SGCZ: variants seen among roughly 807,000 people sequenced by gnomAD.
SGCZ encodes the protein zeta-sarcoglycan.
A neutral mutation model predicts 41.3 loss-of-function variants in SGCZ; 40 were observed. That is an observed-to-expected ratio of 0.97 (90% CI 0.75 to 1.26). SGCZ has a LOEUF of 1.26. Among genes scored for constraint, SGCZ ranks in the 50% most tolerant of loss-of-function variants. SGCZ has a pLI of 0.00. For synonymous variants in SGCZ, 206 were observed against 137.5 expected (o/e 1.50, Z -3.49); for missense variants, 552 against 369.8 (o/e 1.49, Z -4.04).
chr8:14,155,306 T>C (rs1803844538), intron 5 of SGCZ, among the ~76,000 whole-genome samples: 1 of 152,212 alleles, frequency 6.6e-6, no homozygotes, highest in South Asian at 2.1e-4. Context: ...GAAGTTTTTT[T>C]TCTTCCTTTA....
intron 1 of SGCZ, among the ~76,000 whole-genome samples, chr8:14,863,045 G>T (rs1585327989): frequency 6.6e-6 from 1 of 152,232 alleles, no homozygotes; most frequent in East Asian, 1.9e-4. Context: ...TGGGATGATT[G>T]AGAAGCTACA....
intron 1 of SGCZ, among the ~76,000 whole-genome samples, chr8:14,648,455 T>C (rs1807294466): frequency 6.6e-6 from 1 of 152,072 alleles, no homozygotes; most frequent in Non-Finnish European, 1.5e-5. Flanking sequence ...TGGAGCAATA[T>C]TTCACTGAAT....
At chr8:15,040,008 A>G (rs910855851) in intron 1 of SGCZ, among the ~76,000 whole-genome samples, 13 of 152,226 alleles carry the variant, frequency 8.5e-5, no homozygotes, top group Non-Finnish European at 1.3e-4. Flanking sequence ...AAAAAAGTTA[A>G]TAACCAGCAA....
At chr8:14,597,913 C>G (rs1486146580) in intron 1 of SGCZ, among the ~76,000 whole-genome samples, 1 of 152,288 alleles carries the variant, frequency 6.6e-6, no homozygotes, top group Non-Finnish European at 1.5e-5. Flanking sequence ...AAAACCTATT[C>G]CTTTTGCTAC....
chr8:14,431,912 A>G (rs1174870342), intron 2 of SGCZ, among the ~76,000 whole-genome samples: 2 of 152,222 alleles, frequency 1.3e-5, no homozygotes, highest in Non-Finnish European at 2.9e-5. Flanking sequence ...CCAATGGCCA[A>G]CAAACATATG....
chr8:14,339,155 C>G (rs1372558356), intron 2 of SGCZ, among the ~76,000 whole-genome samples: 1 of 152,164 alleles, frequency 6.6e-6, no homozygotes, highest in Non-Finnish European at 1.5e-5. Context: ...AAGCACTTTA[C>G]TTCTACTGCA....
At chr8:15,121,818 C>G (rs1807488561) in intron 1 of SGCZ, among the ~76,000 whole-genome samples, 1 of 144,080 alleles carries the variant, frequency 6.9e-6, no homozygotes, top group African/African-American at 2.6e-5. Context: ...AATATGAAGG[C>G]AGAAGACAGC....
At chr8:14,211,651 G>A (rs984179781) in intron 4 of SGCZ, among the ~76,000 whole-genome samples, 1 of 96,356 alleles carries the variant, frequency 1.0e-5, no homozygotes, top group Non-Finnish European at 1.9e-5. Flanking sequence ...AATTAAGCAG[G>A]AGAGAGAGAG....
chr8:14,289,805 T>C (rs999755527), intron 3 of SGCZ, among the ~76,000 whole-genome samples: 3 of 150,900 alleles, frequency 2.0e-5, no homozygotes, highest in African/African-American at 4.9e-5. Context: ...TATAATGAAC[T>C]ACCTGAGACT....
At chr8:14,613,125 G>C (rs1190426193) in intron 1 of SGCZ, among the ~76,000 whole-genome samples, 1 of 152,214 alleles carries the variant, frequency 6.6e-6, no homozygotes, top group African/African-American at 2.4e-5. Flanking sequence ...CTCAGGGAGA[G>C]TGAACCTGCT....
intron 3 of SGCZ, among the ~76,000 whole-genome samples, chr8:14,278,931 T>A (rs1800326293): frequency 6.6e-6 from 1 of 152,156 alleles, no homozygotes; most frequent in South Asian, 2.1e-4. Flanking sequence ...ATTGCTTTTA[T>A]AAATGCCTAC....
chr8:15,064,856 G>A (rs958103864), intron 1 of SGCZ, among the ~76,000 whole-genome samples: 12 of 152,150 alleles, frequency 7.9e-5, no homozygotes, highest in African/African-American at 2.9e-4. Context: ...TGTAGAGAGA[G>A]CAGGATCTAG....
intron 1 of SGCZ, among the ~76,000 whole-genome samples, chr8:14,780,702 A>G (rs1364108851): frequency 3.3e-5 from 5 of 152,232 alleles, no homozygotes; most frequent in Non-Finnish European, 7.3e-5. Flanking sequence ...AAATTTGAAT[A>G]TAGAACAACA....
intron 1 of SGCZ, among the ~76,000 whole-genome samples, chr8:15,152,336 G>C (rs1457215846): frequency 2.0e-5 from 3 of 152,218 alleles, no homozygotes; most frequent in Admixed American, 6.5e-5. Context: ...TTCAAGCTGA[G>C]AAGAATCTTA....
At chr8:14,817,026 T>C (rs1801925061) in intron 1 of SGCZ, among the ~76,000 whole-genome samples, 1 of 152,184 alleles carries the variant, frequency 6.6e-6, no homozygotes, top group Admixed American at 6.5e-5. Flanking sequence ...ATTCCTCAAA[T>C]CACATTAAAA....
At chr8:15,145,640 A>T (rs556705) in intron 1 of SGCZ, among the ~76,000 whole-genome samples, 3 of 152,074 alleles carry the variant, frequency 2.0e-5, no homozygotes, top group African/African-American at 7.2e-5. Context: ...TTTTCTTCAG[A>T]GACAAGGTCT....
intron 1 of SGCZ, among the ~76,000 whole-genome samples, chr8:14,936,075 G>T (rs1800071562): frequency 6.6e-6 from 1 of 151,832 alleles, no homozygotes; most frequent in Admixed American, 6.6e-5. Context: ...ATTCAAAATT[G>T]CCATCATTAT....
At chr8:14,119,963 G>T (rs997488859) in intron 5 of SGCZ, among the ~76,000 whole-genome samples, 1 of 152,046 alleles carries the variant, frequency 6.6e-6, no homozygotes, top group Non-Finnish European at 1.5e-5. Flanking sequence ...ATTCAGTTTG[G>T]TAGTATTTTT....
chr8:14,600,427 T>C (rs1805553595), intron 1 of SGCZ, among the ~76,000 whole-genome samples: 1 of 152,178 alleles, frequency 6.6e-6, no homozygotes, highest in African/African-American at 2.4e-5. Flanking sequence ...AATCTCCTCC[T>C]GCAGAGATTA....
Sources: allele counts gnomAD v4.1 joint callset (sites outside exome capture counted in the v4.1 genomes callset), GRCh38; gene constraint gnomAD v4.1.1; transcripts MANE v1.5; gene names NCBI Gene and HGNC (gene_info 2026-07-23, HGNC 2026-07-21).